The following ZNF75D variants were observed in gnomAD, a reference collection of about 807,000 sequenced individuals.
The protein encoded by ZNF75D is zinc finger protein 75.
A neutral mutation model predicts 33.3 loss-of-function variants in ZNF75D; 33 were observed. That is an observed-to-expected ratio of 0.99 (90% CI 0.75 to 1.32). The LOEUF is 1.32. Among genes scored for constraint, ZNF75D ranks in the 40% most tolerant of loss-of-function variants. The probability of loss-of-function intolerance (pLI) is 0.00; values close to 1 mark genes in which losing one functional copy is unlikely to be tolerated. For missense variants in ZNF75D, 338 were observed against 367.5 expected, an observed-to-expected ratio of 0.92 and a Z score of 0.66; for synonymous variants, 113 against 130.6, an observed-to-expected ratio of 0.87 and a Z score of 0.92.
chrX:135,272,939 C>T (rs1044222026), intron 1 of ZNF75D, among the ~76,000 whole-genome samples: 7 of 111,563 alleles, frequency 6.3e-5, no homozygotes, highest in Non-Finnish European at 1.1e-4. Context: ...GAGCCCCTAT[C>T]CTCAGGCCCA....
intron 1 of ZNF75D, among the ~76,000 whole-genome samples, chrX:135,267,999 A>T (rs1171899910): frequency 9.2e-6 from 1 of 109,172 alleles, no homozygotes; most frequent in Non-Finnish European, 1.9e-5. Flanking sequence ...ACATCAACAG[A>T]ATGAAGGACA....
rs1046761382 is a variant in ZNF75D, at chrX:135,310,402, T to C, written c.-390-14363A>G. On this transcript the variant is annotated intron_variant, in intron 1 of 6. Transcript: ENST00000370766. ...TCCAAGAAACCTGAAATGGGAACTA[T>C]GTGCACAATTGGTGACTGAGAAGTG... is the stretch of plus-strand genomic sequence containing the variant. Among the ~76,000 whole-genome samples, 6 of 112,097 alleles carry C rather than the reference T, an allele frequency of 5.4e-5. No homozygotes were observed. In the East Asian group the frequency reaches 1.7e-3, roughly 31 times the overall value.
intron 1 of ZNF75D, among the ~76,000 whole-genome samples, chrX:135,333,084 G>T (rs1379309016): frequency 1.8e-5 from 2 of 111,295 alleles, no homozygotes; most frequent in Non-Finnish European, 3.8e-5. Context: ...GGGAGTGACT[G>T]GCAGAGAGAG....
chrX:135,270,352 C>CATATATATATATATAT (rs530211370), intron 1 of ZNF75D, among the ~76,000 whole-genome samples: 11 of 63,494 alleles, frequency 1.7e-4, no homozygotes, highest in Non-Finnish European at 2.5e-4. Context: ...CAAAATATCT[C>CATATATATATATATAT]ATATATATAT....
chrX:135,253,462 C>T (rs2083791269), intron 2 of ZNF75D: 1 of 291,638 alleles, frequency 3.4e-6, no homozygotes, highest in African/African-American at 2.8e-5. Context: ...CATAAAGCAA[C>T]TCTAGGGTGG....
intron 1 of ZNF75D, among the ~76,000 whole-genome samples, chrX:135,258,260 G>C (rs1293960859): frequency 9.3e-6 from 1 of 108,090 alleles, no homozygotes; most frequent in Non-Finnish European, 2.0e-5. Flanking sequence ...AAACATACGT[G>C]TGCATGTGTC....
At chrX:135,265,412 T>A (rs782301220) in intron 1 of ZNF75D, among the ~76,000 whole-genome samples, 1 of 110,485 alleles carries the variant, frequency 9.1e-6, no homozygotes, top group East Asian at 2.9e-4. Context: ...CATTTAATAA[T>A]CAAGCTCTCA....
At chrX:135,249,388 C>T (rs1556413462) in intron 3 of ZNF75D, 1 of 243,791 alleles carries the variant, frequency 4.1e-6, no homozygotes, top group Non-Finnish European at 7.7e-6. Context: ...CTCCCTAACA[C>T]ACATGCGTGC....
At chrX:135,257,343 C>A (rs1232729160) in intron 1 of ZNF75D, among the ~76,000 whole-genome samples, 1 of 112,098 alleles carries the variant, frequency 8.9e-6, no homozygotes, top group Non-Finnish European at 1.9e-5. Context: ...GATGGAAGAG[C>A]CCTTGGGCTT....
chrX:135,321,996 A>G (rs982949109), intron 1 of ZNF75D, among the ~76,000 whole-genome samples: 3 of 111,982 alleles, frequency 2.7e-5, no homozygotes, highest in African/African-American at 9.7e-5. Context: ...GCAGGTGCTT[A>G]ATTGCTTTCT....
intron 1 of ZNF75D, among the ~76,000 whole-genome samples, chrX:135,268,911 T>C (rs1305809119): frequency 9.0e-6 from 1 of 110,891 alleles, no homozygotes; most frequent in Non-Finnish European, 1.9e-5. Context: ...CATAGACCAA[T>C]GTAACAGAAC....
At chrX:135,322,291 T>C (rs2084506213) in intron 1 of ZNF75D, among the ~76,000 whole-genome samples, 1 of 112,355 alleles carries the variant, frequency 8.9e-6, no homozygotes, top group Admixed American at 9.4e-5. Flanking sequence ...AATGTTAATA[T>C]ATTTGTGTCA....
At chrX:135,303,548 C>T (rs1602622957) in intron 1 of ZNF75D, among the ~76,000 whole-genome samples, 1 of 112,545 alleles carries the variant, frequency 8.9e-6, no homozygotes, top group East Asian at 2.8e-4. Context: ...TGACACAGCA[C>T]ATGTTTCAGG....
chrX:135,302,548 C>T (rs2084231268), intron 1 of ZNF75D, among the ~76,000 whole-genome samples: 1 of 112,730 alleles, frequency 8.9e-6, no homozygotes, highest in Non-Finnish European at 1.9e-5. Flanking sequence ...GGACTTAACC[C>T]TTGACTGGCA....
intron 1 of ZNF75D, among the ~76,000 whole-genome samples, chrX:135,338,116 A>G (rs1556443142): frequency 9.0e-6 from 1 of 111,262 alleles, no homozygotes; most frequent in African/African-American, 3.3e-5. Context: ...GGAGGAAGCA[A>G]CAGTTATTCC....
chrX:135,292,567 G>A (rs2084060277), intron 3 of ZNF75D, 94 bp from the exon 4 acceptor site: 2 of 737,146 alleles, frequency 2.7e-6, no homozygotes, highest in Non-Finnish European at 4.0e-6. Context: ...CAGATTTGGG[G>A]AATGCATGAC....
At chrX:135,333,271 C>G (rs782155741) in intron 1 of ZNF75D, among the ~76,000 whole-genome samples, 1 of 111,529 alleles carries the variant, frequency 9.0e-6, no homozygotes, top group African/African-American at 3.3e-5. Context: ...CATGGAAATA[C>G]TCTCTCCTTC....
At chrX:135,322,124 A>G (rs1361287576) in intron 1 of ZNF75D, among the ~76,000 whole-genome samples, 4 of 111,835 alleles carry the variant, frequency 3.6e-5, no homozygotes, top group African/African-American at 1.3e-4. Context: ...GGCTGCTACT[A>G]AGTGGCCTGG....
At chrX:135,266,826 A>G (rs2083864636) in intron 1 of ZNF75D, among the ~76,000 whole-genome samples, 2 of 112,171 alleles carry the variant, frequency 1.8e-5, no homozygotes, top group African/African-American at 3.2e-5. Flanking sequence ...GCAGAATACA[A>G]TCTTTTCCTC....
Sources: gnomAD v4.1 joint callset for allele counts (sites outside exome capture counted in the v4.1 genomes callset) on GRCh38, gnomAD v4.1.1 for gene constraint, MANE v1.5 for transcripts, NCBI Gene and HGNC (gene_info 2026-07-23, HGNC 2026-07-21) for gene names.